Variants in METTL24 observed in about 807,000 individuals in gnomAD.
METTL24 encodes the protein probable methyltransferase-like protein 24.
METTL24 carries 29 observed loss-of-function variants against 32.7 expected under a neutral mutation model. That is an observed-to-expected ratio of 0.89 (90% CI 0.66 to 1.21). The LOEUF (loss-of-function observed/expected upper bound fraction) is 1.21, where lower values mean the gene tolerates loss of function less well. Ranked by LOEUF, METTL24 falls within the 50% of genes most tolerant of loss-of-function variation. The probability of loss-of-function intolerance (pLI) is 0.00; values close to 1 mark genes in which losing one functional copy is unlikely to be tolerated. For missense variants in METTL24, 439 were observed against 468.1 expected (o/e 0.94, Z 0.57); for synonymous variants, 163 against 179.5 (o/e 0.91, Z 0.73).
At chr6:110,324,376 G>A (rs1256348780) in intron 1 of METTL24, among the ~76,000 whole-genome samples, 1 of 152,160 alleles carries the variant, frequency 6.6e-6, no homozygotes, top group Non-Finnish European at 1.5e-5. Flanking sequence ...CTTTTTTCAG[G>A]AACCCATAGG....
chr6:110,349,770 T>G (rs1772556691), intron 1 of METTL24, among the ~76,000 whole-genome samples: 1 of 152,250 alleles, frequency 6.6e-6, no homozygotes, highest in Non-Finnish European at 1.5e-5. Flanking sequence ...AGTTGTAACC[T>G]TCCAAACTGC....
At chr6:110,344,796 C>A (rs931758595) in intron 1 of METTL24, among the ~76,000 whole-genome samples, 1 of 152,158 alleles carries the variant, frequency 6.6e-6, no homozygotes, top group African/African-American at 2.4e-5. Context: ...TGGATTAAAG[C>A]CTTAAATGTC....
intron 1 of METTL24, among the ~76,000 whole-genome samples, chr6:110,350,703 A>G (rs200165287): frequency 6.6e-6 from 1 of 151,498 alleles, no homozygotes; most frequent in East Asian, 1.9e-4. Context: ...AGGTGGGAGG[A>G]TCACTTGAGC....
At chr6:110,334,387 C>T (rs1423795412) in intron 1 of METTL24, among the ~76,000 whole-genome samples, 2 of 152,124 alleles carry the variant, frequency 1.3e-5, no homozygotes, top group African/African-American at 2.4e-5. Flanking sequence ...CCACAGAGAG[C>T]ACCCAAAACA....
Position 110,264,944 on chromosome 6 carries a change from G to A in METTL24, c.787-18684C>T, listed in dbSNP as rs1214728362. 2.0e-5 allele frequency among the ~76,000 whole-genome samples: 3 copies of A among 152,012 alleles called. No homozygotes were observed. The East Asian group carries it at 5.8e-4, about 29-fold the overall frequency. On this transcript the variant is annotated intron_variant, in intron 4 of 4. Coordinates refer to ENST00000338882, the MANE Select transcript of METTL24 (RefSeq NM_001123364.3). Reference sequence around the variant, plus strand: ...CAATGAGAACACATGGACACAGGAAGGGGAACATCACACACTGGGGCCTGT... The same window carrying A: ...CAATGAGAACACATGGACACAGGAAAGGGAACATCACACACTGGGGCCTGT...
intron 3 of METTL24, among the ~76,000 whole-genome samples, chr6:110,312,122 G>A (rs1771734697): frequency 6.6e-6 from 1 of 152,060 alleles, no homozygotes; most frequent in Admixed American, 6.6e-5. Context: ...CTAATCATCA[G>A]GAAAATGTAC....
intron 4 of METTL24, among the ~76,000 whole-genome samples, chr6:110,255,796 A>G (rs1778371017): frequency 2.0e-5 from 3 of 152,222 alleles, no homozygotes; most frequent in African/African-American, 7.2e-5. Context: ...ACCCAAGTAA[A>G]CATCCAAATA....
intron 1 of METTL24, among the ~76,000 whole-genome samples, chr6:110,348,672 G>GT: frequency 6.6e-6 from 1 of 152,390 alleles, no homozygotes; most frequent in East Asian, 1.9e-4. Context: ...CATGTTTGGA[G>GT]GTCGTTCAAC....
chr6:110,301,984 A>G (rs952860138), intron 3 of METTL24, among the ~76,000 whole-genome samples: 1 of 152,200 alleles, frequency 6.6e-6, no homozygotes, highest in African/African-American at 2.4e-5. Flanking sequence ...TTTCATTAAG[A>G]GAACGTTATG....
intron 4 of METTL24, among the ~76,000 whole-genome samples, chr6:110,247,113 C>T (rs983643711): frequency 6.6e-6 from 1 of 152,096 alleles, no homozygotes; most frequent in Non-Finnish European, 1.5e-5. Context: ...GCAAAAAATC[C>T]GTTAGAACAC....
chr6:110,306,542 T>C (rs1302643710), intron 3 of METTL24, among the ~76,000 whole-genome samples: 1 of 152,046 alleles, frequency 6.6e-6, no homozygotes, highest in Non-Finnish European at 1.5e-5. Flanking sequence ...TTTTATATAA[T>C]GCATTAGATA....
chr6:110,272,599 T>C (rs1038393380), intron 4 of METTL24, among the ~76,000 whole-genome samples: 5 of 152,236 alleles, frequency 3.3e-5, no homozygotes, highest in Non-Finnish European at 7.3e-5. Flanking sequence ...GTGTAAAGTG[T>C]TCCCATTTTA....
At chr6:110,318,301 C>T (rs1382227306) in intron 2 of METTL24, among the ~76,000 whole-genome samples, 1 of 152,146 alleles carries the variant, frequency 6.6e-6, no homozygotes, top group Non-Finnish European at 1.5e-5. Flanking sequence ...AAGAGACATT[C>T]TTTTTCATTC....
chr6:110,275,529 G>A (rs1251907333), intron 4 of METTL24, among the ~76,000 whole-genome samples: 1 of 151,950 alleles, frequency 6.6e-6, no homozygotes, highest in African/African-American at 2.4e-5. Context: ...AGCCAAATAA[G>A]CTACCTCTCT....
Position 110,245,856 on chromosome 6 carries a change from A to G in METTL24, c.*90T>C. The G allele has an allele frequency of 1.5e-6, 2 of 1,305,896 alleles. No homozygotes were observed. Among genetic ancestry groups the G allele is most frequent in the Non-Finnish European group, 1.1e-6 (1 of 940,968 alleles). The allele number at this position is 1,305,896 out of a possible 1,614,324, so 80.9% of individuals were successfully genotyped here. A position where few individuals can be genotyped will look rare whatever the true frequency, so the allele number is the denominator to read the frequency against. On this transcript the variant is annotated 3_prime_UTR_variant, in exon 5 of 5. Transcript: ENST00000338882. ...TGCCTCAAGCAGGGCACAGGCTAGCAGGAGACTGGATGAGTAAACTCATGA... is the reference window on the plus strand; with the variant it reads ...TGCCTCAAGCAGGGCACAGGCTAGCGGGAGACTGGATGAGTAAACTCATGA...
intron 4 of METTL24, 48 bp from the exon 5 acceptor site, chr6:110,246,308 T>A: frequency 1.3e-6 from 2 of 1,481,482 alleles, no homozygotes; most frequent in Non-Finnish European, 1.8e-6. Flanking sequence ...TAAAACTATC[T>A]TGATATCAGG....
chr6:110,313,158 A>T (rs1341801639), intron 3 of METTL24, among the ~76,000 whole-genome samples: 1 of 152,250 alleles, frequency 6.6e-6, no homozygotes, highest in Non-Finnish European at 1.5e-5. Context: ...AATATTCGAA[A>T]GCAGAGTAGG....
At chr6:110,290,985 T>A (rs1382879862) in intron 4 of METTL24, among the ~76,000 whole-genome samples, 1 of 152,204 alleles carries the variant, frequency 6.6e-6, no homozygotes, top group East Asian at 1.9e-4. Context: ...TTCATATGTG[T>A]TTTTGCCATC....
intron 4 of METTL24, among the ~76,000 whole-genome samples, chr6:110,272,053 GTTC>G: frequency 6.6e-6 from 1 of 152,170 alleles, no homozygotes; most frequent in South Asian, 2.1e-4. Flanking sequence ...ACACGGATAA[GTTC>G]TTTAGTGGTG....
Sources: allele counts gnomAD v4.1 joint callset (sites outside exome capture counted in the v4.1 genomes callset), GRCh38; gene constraint gnomAD v4.1.1; transcripts MANE v1.5; gene names NCBI Gene and HGNC (gene_info 2026-07-23, HGNC 2026-07-21).